The following RESP18 variants were observed in gnomAD, a reference collection of about 807,000 sequenced individuals.
RESP18 encodes the protein regulated endocrine specific protein 18.
A neutral mutation model predicts 30.0 loss-of-function variants in RESP18; 30 were observed. That is an observed-to-expected ratio of 1.00 (90% CI 0.75 to 1.36). The LOEUF (loss-of-function observed/expected upper bound fraction) is 1.36, where lower values mean the gene tolerates loss of function less well. Ranked by LOEUF, RESP18 falls within the 40% of genes most tolerant of loss-of-function variation. The pLI, the probability that RESP18 is intolerant of heterozygous loss-of-function variation, is 0.00. For missense variants in RESP18, 320 were observed against 284.2 expected (o/e 1.13, Z -0.91); for synonymous variants, 117 against 111.2 (o/e 1.05, Z -0.33).
chr2:219,332,024 C>CG (rs2125108788), intron 2 of RESP18, among the ~76,000 whole-genome samples: 1 of 152,320 alleles, frequency 6.6e-6, no homozygotes, highest in Non-Finnish European at 1.5e-5. Context: ...TGAGTCAGCG[C>CG]GGGGTCTACG....
At chr2:219,329,129 G>C (rs746182121) in intron 5 of RESP18, 34 bp downstream of exon 4, 296 of 1,536,054 alleles carry the variant, frequency 1.9e-4, no homozygotes, top group Non-Finnish European at 2.3e-4. Flanking sequence ...CATTTAAACA[G>C]GTCCAACCTC....
intron 6 of RESP18, among the ~76,000 whole-genome samples, chr2:219,328,704 A>C (rs1952798160): frequency 6.6e-6 from 1 of 152,160 alleles, no homozygotes; most frequent in Admixed American, 6.5e-5. Flanking sequence ...GAAGAGTTCA[A>C]AGATCCCAAG....
intron 1 of RESP18, chr2:219,333,119 T>A (rs1217832164): frequency 3.6e-6 from 3 of 835,836 alleles, no homozygotes; most frequent in Admixed American, 9.2e-5. Context: ...ATATATAATA[T>A]TATATATTAT....
In RESP18 at chr2:219,327,488, G is replaced by T. The variant is rs765747799; in HGVS notation, c.*29C>A. ...CTGAAGGGCAATGGGAAGGGTGCTG[G>T]GGCAGGGAGGCTTCACATGAGGTCT... On this transcript the variant is annotated 3_prime_UTR_variant, in exon 7 of 7. Coordinates refer to ENST00000333527, the MANE Select transcript of RESP18 (RefSeq NM_001007089.4). The T allele has an allele frequency of 1.5e-5, 23 of 1,548,916 alleles. No homozygotes were observed. Among genetic ancestry groups the T allele is most frequent in the Non-Finnish European group, 8.7e-6 (10 of 1,144,690 alleles).
At position 219,330,837 on chromosome 2, in the gene RESP18, G is replaced by A. The variant is rs1219828954; in HGVS notation, c.271C>T (p.Leu91Phe). The A allele has an allele frequency of 1.3e-6, 2 of 1,551,572 alleles. No homozygotes were observed. The highest frequency in any genetic ancestry group is 2.0e-5 in the Admixed American group (1 of 50,988). The change falls in exon 3 of 7, where the codon CTC becomes TTC. Residue 91 changes from leucine to phenylalanine, a missense_variant. Leu to Phe is a conservative substitution (Grantham distance 22). Transcript: ENST00000333527. ...AAGACTGGGGTGGCAAATCCTTGGA[G>A]GGGCCAAAGCTGCCCCACTCCTACT...
chr2:219,332,219 C>G (rs574879470), intron 2 of RESP18, among the ~76,000 whole-genome samples: 2 of 152,162 alleles, frequency 1.3e-5, no homozygotes, highest in African/African-American at 4.8e-5. Flanking sequence ...TTTTTCTGGC[C>G]TTTCTTGCTT....
intron 6 of RESP18, 119 bp from the exon 6 acceptor site, chr2:219,327,682 G>T: frequency 1.2e-6 from 1 of 844,654 alleles, no homozygotes; most frequent in Non-Finnish European, 2.0e-6. Context: ...CCTTCAGCAT[G>T]GTGACAGCTC....
chr2:219,327,458 C>G lies in RESP18; in HGVS notation c.*59G>C. The G allele has an allele frequency of 7.0e-7, 1 of 1,438,626 alleles. No individual in the cohort carries two copies. The highest frequency in any genetic ancestry group is 9.6e-7 in the Non-Finnish European group (1 of 1,044,286). The allele number at this position is 1,438,626 out of a possible 1,614,324, so 89.1% of individuals were successfully genotyped here. On this transcript the variant is annotated 3_prime_UTR_variant, in exon 7 of 7. Coordinates refer to ENST00000333527, the MANE Select transcript of RESP18 (RefSeq NM_001007089.4). The stretch of plus-strand genomic sequence containing the variant: ...TCAAATCTGGGTCATCCAAGAACTG[C>G]TCCTCTGAAGGGCAATGGGAAGGGT...
intron 2 of RESP18, 108 bp downstream of exon 1, chr2:219,332,416 G>A (rs1403362936): frequency 1.0e-5 from 8 of 787,428 alleles, no homozygotes; most frequent in Non-Finnish European, 1.6e-5. Flanking sequence ...ACGTCCTTAA[G>A]CACATTCTTT....
chr2:219,328,989 T>C lies in RESP18; in HGVS notation c.575A>G (p.Tyr192Cys), dbSNP rs1952801951. The C allele has an allele frequency of 6.4e-7, 1 of 1,550,644 alleles. No homozygotes were observed. The highest frequency in any genetic ancestry group is 8.7e-7 in the Non-Finnish European group (1 of 1,145,970). The change falls in exon 6 of 7, where the codon TAT becomes TGT. Residue 192 changes from tyrosine (Y) to cysteine (C), a missense_variant. Transcript: ENST00000333527. ...CGCCTGCATCATGTCCAGCCCCCCA[T>C]ATGAACACCTATAGGTAATCTGAGA... is the stretch of plus-strand genomic sequence containing the variant.
intron 4 of RESP18, 160 bp downstream of exon 3, chr2:219,329,477 C>CTAAT (rs1952807354): frequency 6.5e-7 from 1 of 1,549,134 alleles, no homozygotes; most frequent in Admixed American, 2.0e-5. Context: ...GCAGATATCA[C>CTAAT]TAATGGATCA....
Position 219,333,157 on chromosome 2 carries a change from T to C in RESP18, c.17+4A>G. The C allele has an allele frequency of 1.3e-6, 2 of 1,537,646 alleles. No individual in the cohort carries two copies. The highest frequency in any genetic ancestry group is 1.7e-4 in the Middle Eastern group (1 of 5,950). ...ATTATATATGGCACATCCATCCACT[T>C]TACTCCACATCCACTGCCATCGCCT... On this transcript the variant is annotated splice_donor_region_variant and intron_variant, in intron 1 of 6. Transcript: ENST00000333527.
chr2:219,332,447 T>C, intron 2 of RESP18, 77 bp downstream of exon 1: 1 of 1,109,680 alleles, frequency 9.0e-7, no homozygotes, highest in Admixed American at 2.4e-5. Flanking sequence ...TTTCCTAGCC[T>C]TGAGGCCCCC....
chr2:219,332,865 G>C (rs1351903855), intron 1 of RESP18, 121 bp from the exon 1 acceptor site: 2 of 821,538 alleles, frequency 2.4e-6, no homozygotes, highest in South Asian at 1.9e-5. Flanking sequence ...GGCTCCTTTC[G>C]GGCATTAGCT....
At chr2:219,331,844 C>A (rs1220291488) in intron 2 of RESP18, among the ~76,000 whole-genome samples, 1 of 152,210 alleles carries the variant, frequency 6.6e-6, no homozygotes, top group African/African-American at 2.4e-5. Flanking sequence ...TCCTTCCCCA[C>A]GGCCCTCATC....
At chr2:219,329,806 A>G in intron 3 of RESP18, 42 bp from the exon 3 acceptor site, 1 of 1,534,294 alleles carries the variant, frequency 6.5e-7, no homozygotes, top group Non-Finnish European at 8.8e-7. Flanking sequence ...CACCTGAGAC[A>G]CTCGGATCCA....
chr2:219,327,716 G>C (rs1436646078), intron 6 of RESP18, among the ~76,000 whole-genome samples, 153 bp from the exon 6 acceptor site: 1 of 152,156 alleles, frequency 6.6e-6, no homozygotes, highest in Non-Finnish European at 1.5e-5. Flanking sequence ...CTGTCCCCTT[G>C]GGTCTCACAT....
intron 3 of RESP18, 93 bp from the exon 3 acceptor site, chr2:219,329,857 G>T (rs949027053): frequency 2.4e-6 from 3 of 1,260,510 alleles, no homozygotes; most frequent in South Asian, 1.5e-5. Context: ...GTATATATTA[G>T]ATTACATTTT....
chr2:219,330,185 ATGC>A (rs1952815384), intron 3 of RESP18, among the ~76,000 whole-genome samples: 1 of 152,234 alleles, frequency 6.6e-6, no homozygotes, highest in African/African-American at 2.4e-5. Context: ...GGCGAGGTTG[ATGC>A]TGCCAGTCCA....
Sources: gnomAD v4.1 joint callset for allele counts (sites outside exome capture counted in the v4.1 genomes callset) on GRCh38, gnomAD v4.1.1 for gene constraint, MANE v1.5 for transcripts, NCBI Gene and HGNC (gene_info 2026-07-23, HGNC 2026-07-21) for gene names.